The following ZAN variants were observed in gnomAD, a reference collection of about 807,000 sequenced individuals.
The protein encoded by ZAN is zonadhesin (gene/pseudogene).
ZAN carries 260 observed loss-of-function variants against 286.2 expected under a neutral mutation model. That is an observed-to-expected ratio of 0.91 (90% CI 0.82 to 1.01). ZAN has a LOEUF of 1.01. Ranked by LOEUF, ZAN falls within the 50% of genes least tolerant of loss-of-function variation. The pLI is 0.00. For synonymous variants in ZAN, 1,368 were observed against 1,417.5 expected, an observed-to-expected ratio of 0.97 and a Z score of 0.79; for missense variants, 3,410 against 3,639.2, an observed-to-expected ratio of 0.94 and a Z score of 1.62.
rs773063072 is a variant in ZAN at position 100,734,618 on chromosome 7, CA to C, written c.53+410del. The stretch of plus-strand genomic sequence containing the variant: ...TGGATGACAGAGCGAGACTCCGTCT[CA>C]AAAAAAAAAAAACAAAAAAAAAGAC... On this transcript the variant is annotated intron_variant, in intron 2 of 47. Coordinates refer to ENST00000613979, the MANE Select transcript of ZAN (RefSeq NM_003386.3). Among the ~76,000 whole-genome samples the C allele has an allele frequency of 4.1e-3, 299 of 72,058 alleles. 19 individuals carry two copies. Among genetic ancestry groups the C allele is most frequent in the African/African-American group, 0.014 (274 of 19,472 alleles). The allele number at this position is 72,058 out of a possible 152,430, so 47.3% of individuals were successfully genotyped here.
At chr7:100,796,421 CTTTTT>C (rs144829996) in intron 45 of ZAN, among the ~76,000 whole-genome samples, 1 of 120,420 alleles carries the variant, frequency 8.3e-6, no homozygotes. Context: ...CAGGAATCTG[CTTTTT>C]TTTTTTTTTT....
chr7:100,792,317 G>A lies in ZAN; in HGVS notation c.7713-88G>A, dbSNP rs1812030788. ...ACTGGACACCGACTGATGTCTTTCTGTTTGGGGTTCCAGGCTCTCTTCTGC... is the reference window on the plus strand; with the variant it reads ...ACTGGACACCGACTGATGTCTTTCTATTTGGGGTTCCAGGCTCTCTTCTGC... On this transcript the variant is annotated intron_variant, in intron 41 of 47. Coordinates refer to ENST00000613979, the MANE Select transcript of ZAN (RefSeq NM_003386.3). 6 of 1,520,440 alleles carry A rather than the reference G, an allele frequency of 3.9e-6. No individual in the cohort carries two copies. In the East Asian group the frequency reaches 1.4e-4, roughly 35 times the overall value. 94.2% of individuals were successfully genotyped at this position (1,520,440 alleles called of 1,614,324 possible).
chr7:100,758,584 G>A lies in ZAN; in HGVS notation c.3505G>A (p.Gly1169Arg), dbSNP rs114254451. 3.2e-6 allele frequency: 5 copies of A among 1,566,914 alleles called. No individual in the cohort carries two copies. Among genetic ancestry groups the A allele is most frequent in the Non-Finnish European group, 3.5e-6 (4 of 1,155,758 alleles). The change falls in exon 17 of 48, where the codon GGG becomes AGG. Residue 1169 changes from glycine to arginine, a missense_variant. Physicochemically the swap from Gly to Arg is moderately radical, Grantham distance 125. Around this residue, in one of 7 missense-constraint regions of ZAN, gnomAD observed 1,042 missense variants for 1,058.0 expected, o/e 0.98. Transcript: ENST00000613979. ...AGACCCTCATTATGTCACCTTTGAC[G>A]GGAGGCACTTTGGCTTCATGGGCAA... ...YGDPHYVTFD[G>R]RHFGFMGKCT...
At chr7:100,744,620 C>T (rs989214742) in intron 7 of ZAN, among the ~76,000 whole-genome samples, 4 of 150,808 alleles carry the variant, frequency 2.7e-5, no homozygotes, top group African/African-American at 7.3e-5. Context: ...TAAATAAATA[C>T]GTACATAAAT....
chr7:100,766,660 G>A lies in ZAN; in HGVS notation c.4606G>A (p.Ala1536Thr). 1.3e-6 allele frequency: 2 copies of A among 1,567,488 alleles called. No individual in the cohort carries two copies. Among genetic ancestry groups the A allele is most frequent in the Non-Finnish European group, 1.7e-6 (2 of 1,156,286 alleles). ...ACAGGATGGTATCTATGGCTGCCAT[G>A]CCCAAGGTGAGCCATCAGGGTGGAA... ...GQQDGIYGCH[A>T]QGAATCTASG... The change falls in exon 24 of 48, where the codon GCC becomes ACC. Residue 1536 changes from alanine (A) to threonine (T), a missense_variant. Ala to Thr is a moderately conservative substitution (Grantham distance 58). This residue lies in a region of ZAN where 1,042 missense variants were observed against 1,058.0 expected (regional missense o/e 0.98). Coordinates refer to ENST00000613979, the MANE Select transcript of ZAN (RefSeq NM_003386.3).
chr7:100,783,990 T>C (rs1202386991), intron 35 of ZAN, among the ~76,000 whole-genome samples: 8 of 150,796 alleles, frequency 5.3e-5, no homozygotes, highest in Admixed American at 4.0e-4. Context: ...ACAGAATTAA[T>C]ACCTCCCTGC....
rs1278783094 is a variant in ZAN at position 100,733,611 on chromosome 7, A to G, written c.-180A>G. On this transcript the variant is annotated 5_prime_UTR_variant, in exon 1 of 48. Transcript: ENST00000613979. ...CTGGCTCTTAGACTCCATGGTTGCT[A>G]TTGAAAAGCTGGATGCCATGTTGAT... 1 of 141,892 alleles carries G rather than the reference A, an allele frequency of 7.0e-6. No homozygotes were observed. The highest frequency in any genetic ancestry group is 7.0e-5 in the Admixed American group (1 of 14,226). 8.8% of individuals were successfully genotyped at this position (141,892 alleles called of 1,614,324 possible).
At chr7:100,747,987 G>GA (rs3884114) in intron 9 of ZAN, 150 bp from the exon 10 acceptor site, 52,462 of 557,688 alleles carry the variant, frequency 0.094, 9 homozygotes, top group East Asian at 0.12. Flanking sequence ...GCAAGACTCT[G>GA]AAAAAAAAAA....
Position 100,792,121 on chromosome 7 carries a change from A to AGACGGTGGT in ZAN, c.7693_7694insTGACGGTGG (p.Val2564_Ala2565insValThrVal). 2 of 1,611,610 alleles carry AGACGGTGGT rather than the reference A, an allele frequency of 1.2e-6. No homozygotes were observed. The highest frequency in any genetic ancestry group is 1.7e-6 in the Non-Finnish European group (2 of 1,179,248). ...CAGGGCCCCTTTGCTGCCTGTCACC[A>AGACGGTGGT]GACGGTGGCCCCAGAGCCCTTCCAA... On this transcript the variant is annotated inframe_insertion, in exon 41 of 48. Coordinates refer to ENST00000613979, the MANE Select transcript of ZAN (RefSeq NM_003386.3).
In ZAN at chr7:100,757,525, C is replaced by T. The variant is rs980606665; in HGVS notation, c.3310-677C>T. Among the ~76,000 whole-genome samples the T allele has an allele frequency of 5.9e-5, 9 of 151,710 alleles. No homozygotes were observed. In the South Asian group the frequency reaches 8.3e-4, roughly 14 times the overall value. ...ATCCTAGCACTTTGGGAGGCCAAGG[C>T]GGGCGGATCACCTGAGGTCAGGAGT... On this transcript the variant is annotated intron_variant, in intron 15 of 47. Coordinates refer to ENST00000613979, the MANE Select transcript of ZAN (RefSeq NM_003386.3).
chr7:100,783,974 C>T (rs1461051155), intron 35 of ZAN, among the ~76,000 whole-genome samples: 1 of 150,204 alleles, frequency 6.7e-6, no homozygotes, highest in Non-Finnish European at 1.5e-5. Context: ...TTCTTTAACT[C>T]CCCCAACAGA....
In ZAN at chr7:100,776,434, C is replaced by T. The variant is rs144430258; in HGVS notation, c.6193-6C>T. On this transcript the variant is annotated splice_region_variant and splice_polypyrimidine_tract_variant and intron_variant, in intron 33 of 47. Coordinates refer to ENST00000613979, the MANE Select transcript of ZAN (RefSeq NM_003386.3). ...CCAGCACCGAAAAACCACTCTCCCCCGCCAGGTCTGCGGCATGTGTGGGAA... is the reference window on the plus strand; with the variant it reads ...CCAGCACCGAAAAACCACTCTCCCCTGCCAGGTCTGCGGCATGTGTGGGAA... 436 of 1,603,618 alleles carry T rather than the reference C, an allele frequency of 2.7e-4. 7 individuals are homozygous for T. In the East Asian group the frequency reaches 8.7e-3, roughly 32 times the overall value.
intron 27 of ZAN, 72 bp downstream of exon 27, chr7:100,768,793 G>C: frequency 7.9e-7 from 1 of 1,258,160 alleles, no homozygotes; most frequent in Non-Finnish European, 1.1e-6. Context: ...CAGCTTGGAA[G>C]TGTCCTCTGT....
rs1808231854 is a variant in ZAN at position 100,746,558 on chromosome 7, G to C, written c.787G>C (p.Asp263His). The C allele has an allele frequency of 6.2e-6, 10 of 1,613,784 alleles. No individual in the cohort carries two copies. The South Asian group carries it at 8.8e-5, about 14-fold the overall frequency. Residue 263 changes from aspartate to histidine, a missense_variant, in exon 8 of 48, where the codon GAC (aspartate) becomes CAC (histidine). Physicochemically the swap from Asp to His is moderately conservative, Grantham distance 81. Around this residue, in one of 7 missense-constraint regions of ZAN, gnomAD observed 872 missense variants for 938.9 expected, o/e 0.93. Transcript: ENST00000613979. ...CACAGGTGGCTGCTACATGCTCCTGGACCCCAAGAATGCAAGACCTGGGCA... is the reference window on the plus strand; with the variant it reads ...CACAGGTGGCTGCTACATGCTCCTGCACCCCAAGAATGCAAGACCTGGGCA... ...SPGSGCYMLLDPKNARPGQKA... is the reference protein window; with the variant it reads ...SPGSGCYMLLHPKNARPGQKA...
Position 100,784,830 on chromosome 7 carries a change from T to A in ZAN, c.6830T>A (p.Ile2277Asn). 6.3e-7 allele frequency: 1 copy of A among 1,591,440 alleles called. No homozygotes were observed. Among genetic ancestry groups the A allele is most frequent in the South Asian group, 1.1e-5 (1 of 88,436 alleles). ...TGCAAGGATGCCCATGGTGGCTCCA[T>A]CCCTGTGAGTGGGCATGGGAAATGG... ...CGCKDAHGGS[I>N]PLGKSWVSSG... The change falls in exon 36 of 48, where the codon ATC (isoleucine) becomes AAC (asparagine). Residue 2277 changes from isoleucine to asparagine, a missense_variant. By Grantham distance (149) the Ile-to-Asn change is moderately radical. Around this residue, in one of 7 missense-constraint regions of ZAN, gnomAD observed 1,289 missense variants for 1,314.3 expected, o/e 0.98. Transcript: ENST00000613979.
chr7:100,787,932 A>G lies in ZAN; in HGVS notation c.7023A>G (p.Thr2341=). The G allele has an allele frequency of 1.4e-6, 2 of 1,395,934 alleles. No individual in the cohort carries two copies. The highest frequency in any genetic ancestry group is 1.3e-5 in the South Asian group (1 of 79,506). The allele number at this position is 1,395,934 out of a possible 1,614,324, so 86.5% of individuals were successfully genotyped here. ...TCTATGGCGACCCCCGTTACCTCAC[A>G]TTTGACGGCTTCAGCTACCGCTTGC... The part of the protein sequence containing the change: ...CSVYGDPRYL[T]FDGFSYRLQG... Residue 2341 remains threonine, a synonymous_variant, in exon 38 of 48, where the codon ACA becomes ACG. Coordinates refer to ENST00000613979, the MANE Select transcript of ZAN (RefSeq NM_003386.3).
chr7:100,782,319 G>T (rs1017447240), intron 35 of ZAN, among the ~76,000 whole-genome samples: 39 of 151,850 alleles, frequency 2.6e-4, no homozygotes, highest in African/African-American at 8.9e-4. Flanking sequence ...AAAAGAGTTT[G>T]CTGATTCTTT....
chr7:100,746,681 C>A lies in ZAN; in HGVS notation c.910C>A (p.His304Asn), dbSNP rs1400176630. Reference sequence around the variant, plus strand: ...GGGCCAGTCTCCTGGTGCAGCCCTCCACATTTATGCTTCAGTCTTGGGTTA... The same window carrying A: ...GGGCCAGTCTCCTGGTGCAGCCCTCAACATTTATGCTTCAGTCTTGGGTTA... ...LRGQSPGAAL[H>N]IYASVLGSIR... The change falls in exon 8 of 48, where the codon CAC becomes AAC. Residue 304 changes from histidine (H) to asparagine (N), a missense_variant. Physicochemically the swap from His to Asn is moderately conservative, Grantham distance 68. Around this residue, in one of 7 missense-constraint regions of ZAN, gnomAD observed 872 missense variants for 938.9 expected, o/e 0.93. Transcript: ENST00000613979. 6.2e-7 allele frequency: 1 copy of A among 1,613,842 alleles called. No homozygotes were observed. The highest frequency in any genetic ancestry group is 1.3e-5 in the African/African-American group (1 of 74,914).
chr7:100,763,719 C>G lies in ZAN; in HGVS notation c.3987-87C>G. ...AGCTGACAGGCTGGTTTGCCGGTCC[C>G]GGCCTGCCAGCCTTGCTGCCTGCTG... On this transcript the variant is annotated intron_variant, in intron 20 of 47. Transcript: ENST00000613979. This position sits in a 1 kb window ranked among gnomAD's most constrained non-coding sequence, Gnocchi z 4.6. The G allele has an allele frequency of 7.1e-7, 1 of 1,408,592 alleles. No individual in the cohort carries two copies. Among genetic ancestry groups the G allele is most frequent in the South Asian group, 1.2e-5 (1 of 85,254 alleles). The allele number at this position is 1,408,592 out of a possible 1,614,324, so 87.3% of individuals were successfully genotyped here.
Sources: allele counts gnomAD v4.1 joint callset (sites outside exome capture counted in the v4.1 genomes callset), GRCh38; gene constraint gnomAD v4.1.1; regional missense constraint gnomAD v4.1.1; non-coding constraint Gnocchi (gnomAD v3.1); transcripts MANE v1.5; gene names NCBI Gene and HGNC (gene_info 2026-07-23, HGNC 2026-07-21).